FGF2: variants seen among roughly 807,000 people sequenced by gnomAD.
FGF2 encodes basic fibroblast growth factor bFGF.
Under a neutral mutation model 15.9 loss-of-function variants are expected in FGF2, and 13 were observed. The ratio of observed to expected loss-of-function variants is 0.82; its 90% CI spans 0.53 to 1.30. The LOEUF (loss-of-function observed/expected upper bound fraction) is 1.30. Ranked by LOEUF, FGF2 falls within the 50% of genes most tolerant of loss-of-function variation. FGF2 has a pLI of 0.00. For missense variants in FGF2, 163 were observed against 196.9 expected (o/e 0.83, Z 1.03); for synonymous variants, 90 against 78.4 (o/e 1.15, Z -0.78).
In FGF2 at chr4:122,827,332, G is replaced by A. The variant is rs893459659; in HGVS notation, c.158G>A (p.Arg53Gln). The change falls in exon 1 of 3, where the codon CGG becomes CAG. Residue 53 changes from arginine (R) to glutamine (Q), a missense_variant. Transcript: ENST00000644866. The surrounding 1 kb of genome is among the most constrained non-coding windows in gnomAD (Gnocchi z 4.2). ...CCCGACGGCCGAGTTGACGGGGTCC[G>A]GGAGAAGAGCGACCCTCACAGTGAG... ...IHPDGRVDGV[R>Q]EKSDPHIKLQ... 6.2e-7 allele frequency: 1 copy of A among 1,612,870 alleles called. No individual in the cohort carries two copies. Among genetic ancestry groups the A allele is most frequent in the Non-Finnish European group, 8.5e-7 (1 of 1,179,876 alleles).
chr4:122,859,081 A>G (rs368683882), intron 1 of FGF2, among the ~76,000 whole-genome samples: 1 of 152,332 alleles, frequency 6.6e-6, no homozygotes, highest in South Asian at 2.1e-4. Context: ...ATAGTATTAG[A>G]CAACTGCTTT....
chr4:122,891,519 C>A (rs532946896), intron 2 of FGF2, among the ~76,000 whole-genome samples: 1 of 150,752 alleles, frequency 6.6e-6, no homozygotes, highest in African/African-American at 2.4e-5. Context: ...ATGATACTTA[C>A]TTATTCCTCA....
At chr4:122,867,707 A>G (rs1000804337) in intron 1 of FGF2, among the ~76,000 whole-genome samples, 1 of 152,184 alleles carries the variant, frequency 6.6e-6, no homozygotes. Flanking sequence ...GTCTTAGGTA[A>G]ATGAAACTTA....
chr4:122,894,613 G>A lies in FGF2; in HGVS notation c.*2217G>A, dbSNP rs1727294132. On this transcript the variant is annotated 3_prime_UTR_variant, in exon 3 of 3. Transcript: ENST00000644866. Reference sequence around the variant, plus strand: ...AAAAAAGAGAAATTTTCCTTAATAAGAAAAGTAATTTTTACTCTGATGTGC... The same window carrying A: ...AAAAAAGAGAAATTTTCCTTAATAAAAAAAGTAATTTTTACTCTGATGTGC... 1 of 151,526 alleles carries A rather than the reference G, an allele frequency of 6.6e-6. No individual in the cohort carries two copies. Among genetic ancestry groups the A allele is most frequent in the Non-Finnish European group, 1.5e-5 (1 of 67,968 alleles). The allele number at this position is 151,526 out of a possible 1,614,324, so 9.4% of individuals were successfully genotyped here.
intron 1 of FGF2, among the ~76,000 whole-genome samples, chr4:122,828,560 A>G (rs1360403450): frequency 6.6e-6 from 1 of 152,184 alleles, no homozygotes; most frequent in Non-Finnish European, 1.5e-5. Flanking sequence ...TTGGGATGCT[A>G]ATGGGATGTC....
chr4:122,835,665 A>C (rs1725852068), intron 1 of FGF2, among the ~76,000 whole-genome samples: 2 of 152,174 alleles, frequency 1.3e-5, no homozygotes, highest in African/African-American at 2.4e-5. Flanking sequence ...ATATCTCTCT[A>C]AAATGTTTCC....
At position 122,897,406 on chromosome 4, in the gene FGF2, T is replaced by C. The variant is rs548083088; in HGVS notation, c.*5010T>C. ...CAGTCATAAACAGAAGAATAGGTGG[T>C]ATGTTCCTAATGATATTATTTCTAC... is the stretch of plus-strand genomic sequence containing the variant. On this transcript the variant is annotated 3_prime_UTR_variant, in exon 3 of 3. Coordinates refer to ENST00000644866, the MANE Select transcript of FGF2 (RefSeq NM_001361665.2). 1.1e-5 allele frequency: 6 copies of C among 550,652 alleles called. No homozygotes were observed. In the South Asian group the frequency reaches 1.4e-4, roughly 12 times the overall value. 34.1% of individuals were successfully genotyped at this position (550,652 alleles called of 1,614,324 possible). A position where few individuals can be genotyped will look rare whatever the true frequency, so the allele number is the denominator to read the frequency against.
At chr4:122,856,973 A>G (rs1210861042) in intron 1 of FGF2, among the ~76,000 whole-genome samples, 5 of 152,166 alleles carry the variant, frequency 3.3e-5, no homozygotes, top group African/African-American at 4.8e-5. Flanking sequence ...CATTTAACAC[A>G]TATAGGGTTG....
chr4:122,839,831 A>G (rs1228164407), intron 1 of FGF2, among the ~76,000 whole-genome samples: 1 of 152,314 alleles, frequency 6.6e-6, no homozygotes, highest in Non-Finnish European at 1.5e-5. Flanking sequence ...CATAACAAAC[A>G]TACCACAGTC....
At chr4:122,885,775 A>C (rs1053638243) in intron 2 of FGF2, among the ~76,000 whole-genome samples, 4 of 152,052 alleles carry the variant, frequency 2.6e-5, no homozygotes, top group African/African-American at 9.7e-5. Context: ...TACCATATTT[A>C]GTCATCATGT....
chr4:122,834,730 G>C (rs1169372367), intron 1 of FGF2, among the ~76,000 whole-genome samples: 1 of 152,072 alleles, frequency 6.6e-6, no homozygotes, highest in African/African-American at 2.4e-5. Flanking sequence ...ATCATTTCTG[G>C]GCTTAGGCCC....
At chr4:122,871,830 A>G (rs1485754174) in intron 1 of FGF2, among the ~76,000 whole-genome samples, 2 of 151,982 alleles carry the variant, frequency 1.3e-5, no homozygotes, top group African/African-American at 4.8e-5. Flanking sequence ...AGCATCAACA[A>G]CAACAAAAAA....
chr4:122,839,113 A>G (rs1237216802), intron 1 of FGF2, among the ~76,000 whole-genome samples: 4 of 152,196 alleles, frequency 2.6e-5, no homozygotes, highest in African/African-American at 9.7e-5. Flanking sequence ...TGTTCACACA[A>G]TGATGAAATT....
chr4:122,831,971 A>G (rs1022538734), intron 1 of FGF2, among the ~76,000 whole-genome samples: 9 of 152,228 alleles, frequency 5.9e-5, no homozygotes, highest in African/African-American at 1.9e-4. Context: ...CTTCATCTAT[A>G]CACTGATTCT....
chr4:122,846,135 G>A (rs74830678), intron 1 of FGF2, among the ~76,000 whole-genome samples: 202 of 152,290 alleles, frequency 1.3e-3, no homozygotes, highest in African/African-American at 4.3e-3. Context: ...GGGAACATTC[G>A]TCAGTGGAGC....
At chr4:122,836,014 C>A (rs924713868) in intron 1 of FGF2, among the ~76,000 whole-genome samples, 2 of 152,242 alleles carry the variant, frequency 1.3e-5, no homozygotes, top group Admixed American at 6.5e-5. Flanking sequence ...CAACAGACTT[C>A]TTTGTGAAAC....
In FGF2 at chr4:122,858,699, A is replaced by G. The variant is rs998482745; in HGVS notation, c.179-17622A>G. ...AGACGTGAGCCACCGTGCCTGGCCA[A>G]ATTAGTTCCTTTTGTTACCTAGCCT... On this transcript the variant is annotated intron_variant, in intron 1 of 2. Transcript: ENST00000644866. Among the ~76,000 whole-genome samples, 19 of 152,160 alleles carry G rather than the reference A, an allele frequency of 1.2e-4. No homozygotes were observed. In the South Asian group the frequency reaches 1.7e-3, roughly 13 times the overall value.
chr4:122,897,670 A>G lies in FGF2; in HGVS notation c.*5274A>G, dbSNP rs1488072426. 2.5e-6 allele frequency: 4 copies of G among 1,604,456 alleles called. 1 individual carries two copies. The highest frequency in any genetic ancestry group is 2.7e-5 in the African/African-American group (2 of 74,784). ...ACAGGCCTCCTGGAAACTTCCACAT[A>G]TTTTTCAACTGCAGTATAAAGTCAG... On this transcript the variant is annotated 3_prime_UTR_variant, in exon 3 of 3. Coordinates refer to ENST00000644866, the MANE Select transcript of FGF2 (RefSeq NM_001361665.2).
At position 122,867,569 on chromosome 4, in the gene FGF2, C is replaced by T. The variant is rs1457152518; in HGVS notation, c.179-8752C>T. ...CTTTGTTGCCCAGGCTGGTCTCAAACCCTGGGCTCAAGTGATCTGCCTGCC... is the reference window on the plus strand; with the variant it reads ...CTTTGTTGCCCAGGCTGGTCTCAAATCCTGGGCTCAAGTGATCTGCCTGCC... On this transcript the variant is annotated intron_variant, in intron 1 of 2. Transcript: ENST00000644866. Among the ~76,000 whole-genome samples the T allele has an allele frequency of 2.6e-5, 4 of 152,230 alleles. No homozygotes were observed. In the East Asian group the frequency reaches 7.7e-4, roughly 29 times the overall value.
Sources: allele counts gnomAD v4.1 joint callset (sites outside exome capture counted in the v4.1 genomes callset), GRCh38; gene constraint gnomAD v4.1.1; non-coding constraint Gnocchi (gnomAD v3.1); transcripts MANE v1.5; gene names NCBI Gene and HGNC (gene_info 2026-07-23, HGNC 2026-07-21).